MRTFA: variants seen among roughly 807,000 people sequenced by gnomAD.
MRTFA encodes the protein myocardin related transcription factor A.
Under a neutral mutation model 83.5 loss-of-function variants are expected in MRTFA, and 20 were observed. The observed-to-expected ratio is 0.24, with a 90% confidence interval of 0.17 to 0.35. The LOEUF is 0.35. Ranked by LOEUF, MRTFA falls within the 10% of genes least tolerant of loss-of-function variation. MRTFA has a pLI of 1.00. For missense variants in MRTFA, 1,200 were observed against 1,224.7 expected, an observed-to-expected ratio of 0.98 and a Z score of 0.30; for synonymous variants, 659 against 541.2, an observed-to-expected ratio of 1.22 and a Z score of -3.02.
chr22:40,427,318 C>T (rs1170024435), intron 7 of MRTFA, among the ~76,000 whole-genome samples: 7 of 152,160 alleles, frequency 4.6e-5, no homozygotes, highest in Admixed American at 3.3e-4. Flanking sequence ...AGGGCTCCTC[C>T]GGGCCCAGTG....
chr22:40,627,804 C>A (rs1177239731), intron 1 of MRTFA, among the ~76,000 whole-genome samples: 3 of 152,254 alleles, frequency 2.0e-5, no homozygotes, highest in Middle Eastern at 3.4e-3. Context: ...CACTGTGACA[C>A]CCCGCCTGCA....
chr22:40,519,017 GTT>G (rs112569374), intron 3 of MRTFA, among the ~76,000 whole-genome samples: 2 of 141,670 alleles, frequency 1.4e-5, no homozygotes, highest in African/African-American at 2.6e-5. Flanking sequence ...TGTTTTTGGG[GTT>G]TTTTTTTTTT....
intron 3 of MRTFA, among the ~76,000 whole-genome samples, chr22:40,530,522 C>G (rs982838174): frequency 1.3e-5 from 2 of 152,248 alleles, no homozygotes; most frequent in Non-Finnish European, 2.9e-5. Flanking sequence ...GTCTTGAACT[C>G]CTGACCTCAA....
At chr22:40,564,268 C>A (rs2055671262) in intron 2 of MRTFA, among the ~76,000 whole-genome samples, 2 of 151,690 alleles carry the variant, frequency 1.3e-5, no homozygotes, top group Admixed American at 1.3e-4. Flanking sequence ...GTCGAGGGAC[C>A]AAAGAAAAAT....
At chr22:40,459,782 T>TATACACACACAC (rs1261144482) in intron 4 of MRTFA, among the ~76,000 whole-genome samples, 34 of 88,930 alleles carry the variant, frequency 3.8e-4, no homozygotes, top group Admixed American at 1.3e-3. Context: ...TGATAAAATA[T>TATACACACACAC]ACACACACAC....
chr22:40,417,569 C>CGGGGGT (rs3044519), intron 12 of MRTFA, 76 bp from the exon 13 acceptor site: 1 of 280,826 alleles, frequency 3.6e-6, no homozygotes, highest in Non-Finnish European at 5.5e-6. Context: ...GGGCGGGGGG[C>CGGGGGT]GGGGATAGGG....
intron 2 of MRTFA, among the ~76,000 whole-genome samples, chr22:40,566,391 T>C (rs1289126878): frequency 6.6e-6 from 1 of 152,090 alleles, no homozygotes; most frequent in Non-Finnish European, 1.5e-5. Context: ...GGCTAATTTT[T>C]TTGCATTTTT....
intron 4 of MRTFA, among the ~76,000 whole-genome samples, chr22:40,456,518 T>C (rs886112515): frequency 1.3e-5 from 2 of 152,068 alleles, no homozygotes; most frequent in Admixed American, 1.3e-4. Context: ...CAAAACCGCA[T>C]TTCTACTAAT....
At chr22:40,452,911 A>G (rs2053522001) in intron 4 of MRTFA, among the ~76,000 whole-genome samples, 1 of 152,236 alleles carries the variant, frequency 6.6e-6, no homozygotes, top group East Asian at 1.9e-4. Flanking sequence ...CACTCAGAAC[A>G]TGAACACACC....
At chr22:40,535,905 C>G (rs1020232047) in intron 3 of MRTFA, among the ~76,000 whole-genome samples, 23 of 152,088 alleles carry the variant, frequency 1.5e-4, no homozygotes, top group African/African-American at 5.6e-4. Context: ...AACAAATAAA[C>G]ATAACATCTC....
rs186020533 is a variant in MRTFA, at chr22:40,476,920, T to C, written c.242-13634A>G. ...CCAATGTATTTTATAATTAGCCCTA[T>C]CCTTAACCAGAAAGGGTTTACTGTC... On this transcript the variant is annotated intron_variant, in intron 3 of 14. Coordinates refer to ENST00000355630, the MANE Select transcript of MRTFA (RefSeq NM_020831.6). 3.8e-3 allele frequency among the ~76,000 whole-genome samples: 584 copies of C among 152,254 alleles called. 2 individuals carry two copies. Among genetic ancestry groups the C allele is most frequent in the Non-Finnish European group, 5.8e-3 (392 of 68,022 alleles).
At chr22:40,464,309 G>C (rs1302543994) in intron 3 of MRTFA, among the ~76,000 whole-genome samples, 1 of 56,274 alleles carries the variant, frequency 1.8e-5, no homozygotes, top group African/African-American at 7.9e-5. Context: ...GCTGTCTCAG[G>C]AAAAAAAAAA....
chr22:40,614,079 G>A (rs1220870157), intron 1 of MRTFA, among the ~76,000 whole-genome samples: 1 of 151,476 alleles, frequency 6.6e-6, no homozygotes, highest in Non-Finnish European at 1.5e-5. Context: ...GCGCATGCCT[G>A]TAATCCCAGC....
intron 1 of MRTFA, among the ~76,000 whole-genome samples, chr22:40,634,116 G>A (rs2056669246): frequency 6.7e-6 from 1 of 150,170 alleles, no homozygotes; most frequent in African/African-American, 2.4e-5. Context: ...TTTTGAGACA[G>A]GGTCTCACCG....
chr22:40,454,020 A>T (rs1013584363), intron 4 of MRTFA, among the ~76,000 whole-genome samples: 1 of 152,266 alleles, frequency 6.6e-6, no homozygotes, highest in African/African-American at 2.4e-5. Flanking sequence ...GAGTAGTACC[A>T]TGCTGACTAG....
chr22:40,599,381 T>A (rs1220881649), intron 1 of MRTFA, among the ~76,000 whole-genome samples: 1 of 152,124 alleles, frequency 6.6e-6, no homozygotes, highest in African/African-American at 2.4e-5. Context: ...GCACATAGAC[T>A]CTCCAGTGGA....
intron 3 of MRTFA, among the ~76,000 whole-genome samples, chr22:40,520,009 TTC>T (rs775997527): frequency 6.6e-6 from 1 of 152,216 alleles, no homozygotes; most frequent in Non-Finnish European, 1.5e-5. Flanking sequence ...ATTCAAAGCG[TTC>T]TGACAATTGC....
intron 3 of MRTFA, among the ~76,000 whole-genome samples, chr22:40,544,857 A>G (rs906875454): frequency 1.3e-5 from 2 of 152,094 alleles, no homozygotes; most frequent in African/African-American, 2.4e-5. Flanking sequence ...GGAATATTTG[A>G]GCCCAGGAGA....
chr22:40,520,446 C>T (rs769436991), intron 3 of MRTFA, among the ~76,000 whole-genome samples: 2 of 151,962 alleles, frequency 1.3e-5, no homozygotes, highest in Non-Finnish European at 2.9e-5. Context: ...CGTTCTGTCA[C>T]CCAGGCTAGA....
Sources: allele counts gnomAD v4.1 joint callset (sites outside exome capture counted in the v4.1 genomes callset), GRCh38; gene constraint gnomAD v4.1.1; transcripts MANE v1.5; gene names NCBI Gene and HGNC (gene_info 2026-07-23, HGNC 2026-07-21).